The following NOSTRIN variants were observed in gnomAD, a reference collection of about 807,000 sequenced individuals.
NOSTRIN encodes BM247 homolog.
In NOSTRIN, 63 loss-of-function variants were observed where a neutral mutation model predicts 59.0. The ratio of observed to expected loss-of-function variants is 1.07; its 90% CI spans 0.87 to 1.32. NOSTRIN has a LOEUF of 1.32. Ranked by LOEUF, NOSTRIN falls within the 40% of genes most tolerant of loss-of-function variation. NOSTRIN has a pLI of 0.00. For synonymous variants in NOSTRIN, 200 were observed against 165.4 expected (o/e 1.21, Z -1.61); for missense variants, 512 against 473.1 (o/e 1.08, Z -0.76).
At chr2:168,833,979 T>C (rs777305972) in intron 6 of NOSTRIN, among the ~76,000 whole-genome samples, 1 of 152,182 alleles carries the variant, frequency 6.6e-6, no homozygotes, top group Non-Finnish European at 1.5e-5. Context: ...GGGTACCCGA[T>C]ATAATGAAAA....
At chr2:168,839,061 G>A (rs1315076973) in intron 7 of NOSTRIN, among the ~76,000 whole-genome samples, 4 of 151,916 alleles carry the variant, frequency 2.6e-5, no homozygotes, top group South Asian at 4.2e-4. Flanking sequence ...CTGGGATTAC[G>A]GGCGTGAACC....
chr2:168,818,627 TCA>T (rs1378472043), intron 2 of NOSTRIN, among the ~76,000 whole-genome samples: 1 of 152,194 alleles, frequency 6.6e-6, no homozygotes, highest in Non-Finnish European at 1.5e-5. Context: ...GAATCTGAAA[TCA>T]CATATTTTCC....
intron 7 of NOSTRIN, among the ~76,000 whole-genome samples, chr2:168,835,566 A>AATCCTCTAAG (rs754234432): frequency 2.6e-5 from 4 of 152,146 alleles, no homozygotes; most frequent in Non-Finnish European, 5.9e-5. Context: ...TCTTGGCAGA[A>AATCCTCTAAG]ATCCTCTAAG....
In NOSTRIN at chr2:168,818,976, C is replaced by T. The variant is rs142173926; in HGVS notation, c.114-5658C>T. On this transcript the variant is annotated intron_variant, in intron 2 of 15. Coordinates refer to ENST00000317647, the MANE Select transcript of NOSTRIN (RefSeq NM_001039724.4). The stretch of plus-strand genomic sequence containing the variant: ...AAATATATATGCATCACCAATTTCA[C>T]ACAGGCCAAGACAATTGCTTGGAGA... 4.1e-4 allele frequency among the ~76,000 whole-genome samples: 62 copies of T among 152,078 alleles called. 1 individual carries two copies. In the East Asian group the frequency reaches 4.6e-3, roughly 11 times the overall value.
rs148810667 is a variant in NOSTRIN, at chr2:168,792,442, ATTATCT to A, written c.-473+4399_-473+4404del. Reference sequence around the variant, plus strand: ...TAGTGTTTTGTATGTATAATATAAAATTATCTTTATTTTATTTTATTTTTTGAGATG... The same window carrying A: ...TAGTGTTTTGTATGTATAATATAAAATTATTTTATTTTATTTTTTGAGATG... On this transcript the variant is annotated intron_variant, in intron 2 of 20. Transcript: ENST00000458381. Among the ~76,000 whole-genome samples the A allele has an allele frequency of 4.6e-3, 692 of 152,070 alleles. 7 individuals carry two copies. Among genetic ancestry groups the A allele is most frequent in the African/African-American group, 0.015 (632 of 41,512 alleles).
chr2:168,853,240 C>T (rs965319317), intron 10 of NOSTRIN, among the ~76,000 whole-genome samples: 2 of 152,150 alleles, frequency 1.3e-5, no homozygotes, highest in Non-Finnish European at 2.9e-5. Flanking sequence ...AGGCAAAGCA[C>T]CCCAATGTCT....
At chr2:168,824,768 T>TTTTGTTTG (rs11374385) in intron 3 of NOSTRIN, 51 bp downstream of exon 3, 197,431 of 733,072 alleles carry the variant, frequency 0.27, 31,253 homozygotes, top group Middle Eastern at 0.36. Context: ...TTTATTTGTT[T>TTTTGTTTG]TTTGTTTGTT....
At position 168,864,840 on chromosome 2, in the gene NOSTRIN, T is replaced by C. The variant is rs770453222; in HGVS notation, c.1391T>C (p.Ile464Thr). Residue 464 changes from isoleucine to threonine, a missense_variant, in exon 16 of 16, where the codon ATT becomes ACT. Ile to Thr is a moderately conservative substitution (Grantham distance 89, BLOSUM62 -1). Transcript: ENST00000317647. ...TCTAACTGTATTTTCACAGGTGACA[T>C]TGTGATTATACACGAGAAAAAAGAA... The part of the protein sequence containing the change: ...DDELNLEKGD[I>T]VIIHEKKEGG... 2.5e-6 allele frequency: 4 copies of C among 1,613,916 alleles called. No individual in the cohort carries two copies. The highest frequency in any genetic ancestry group is 2.2e-5 in the South Asian group (2 of 91,080).
intron 12 of NOSTRIN, among the ~76,000 whole-genome samples, chr2:168,857,700 G>T (rs1378315770): frequency 1.3e-5 from 2 of 152,190 alleles, no homozygotes; most frequent in Non-Finnish European, 2.9e-5. Context: ...GTGGACTGGG[G>T]TTAATCTGAG....
chr2:168,813,032 A>T (rs925848321), intron 2 of NOSTRIN, among the ~76,000 whole-genome samples: 1 of 152,248 alleles, frequency 6.6e-6, no homozygotes, highest in African/African-American at 2.4e-5. Flanking sequence ...AATATGAAGT[A>T]ACTTCTATCC....
chr2:168,799,682 G>T (rs1685566304), upstream of NOSTRIN, among the ~76,000 whole-genome samples: 1 of 152,126 alleles, frequency 6.6e-6, no homozygotes, highest in African/African-American at 2.4e-5. Flanking sequence ...TATGATTTAG[G>T]TCCTCTTATT....
intron 12 of NOSTRIN, among the ~76,000 whole-genome samples, chr2:168,857,464 G>A (rs1689194651): frequency 6.6e-6 from 1 of 152,172 alleles, no homozygotes; most frequent in Non-Finnish European, 1.5e-5. Flanking sequence ...TTGGGGTGGG[G>A]AGATGGTAGA....
intron 7 of NOSTRIN, among the ~76,000 whole-genome samples, chr2:168,840,437 G>C (rs1444317395): frequency 1.3e-5 from 2 of 150,270 alleles, no homozygotes; most frequent in African/African-American, 4.9e-5. Context: ...GGCTGAGGCA[G>C]GAGAATGGCG....
intron 2 of NOSTRIN, among the ~76,000 whole-genome samples, chr2:168,823,145 T>C: frequency 6.6e-6 from 1 of 152,166 alleles, no homozygotes; most frequent in East Asian, 1.9e-4. Flanking sequence ...GCCTCCTGAA[T>C]AGCTGGGACT....
chr2:168,863,031 CAG>C (rs1489513418), intron 15 of NOSTRIN, among the ~76,000 whole-genome samples: 2 of 2,924 alleles, frequency 6.8e-4, no homozygotes, highest in African/African-American at 0.01. Context: ...GAATAAAAGA[CAG>C]ACATACTTCC....
chr2:168,829,871 G>A (rs1687272030), intron 5 of NOSTRIN, among the ~76,000 whole-genome samples: 1 of 152,172 alleles, frequency 6.6e-6, no homozygotes, highest in African/African-American at 2.4e-5. Context: ...AATACAGTCA[G>A]ATAAAGCACA....
intron 7 of NOSTRIN, 83 bp from the exon 8 acceptor site, chr2:168,842,909 G>A (rs1688184474): frequency 2.5e-6 from 2 of 802,400 alleles, no homozygotes; most frequent in Non-Finnish European, 4.3e-6. Context: ...ATATCATTGA[G>A]CCACATATAA....
At chr2:168,844,133 T>C (rs1688262269) in intron 8 of NOSTRIN, among the ~76,000 whole-genome samples, 1 of 152,238 alleles carries the variant, frequency 6.6e-6, no homozygotes. Context: ...TTTAAACTCA[T>C]GCGCAAACTA....
At chr2:168,788,915 A>AT (rs1180815663) in intron 2 of NOSTRIN, among the ~76,000 whole-genome samples, 2 of 151,992 alleles carry the variant, frequency 1.3e-5, no homozygotes, top group African/African-American at 4.8e-5. Flanking sequence ...AGATAGATAG[A>AT]TAGATAGATA....
Sources: gnomAD v4.1 joint callset for allele counts (sites outside exome capture counted in the v4.1 genomes callset) on GRCh38, gnomAD v4.1.1 for gene constraint, MANE v1.5 for transcripts, NCBI Gene and HGNC (gene_info 2026-07-23, HGNC 2026-07-21) for gene names.